The following PALLD variants were observed in gnomAD, a reference collection of about 807,000 sequenced individuals.
The protein encoded by PALLD is palladin, cytoskeletal associated protein, also known as palladin.
PALLD carries 61 observed loss-of-function variants against 123.5 expected under a neutral mutation model. That is an observed-to-expected ratio of 0.49 (90% CI 0.40 to 0.61). The LOEUF is 0.61. Among genes scored for constraint, PALLD ranks in the 20% least tolerant of loss-of-function variants. PALLD has a pLI of 0.00. For synonymous variants in PALLD, 465 were observed against 496.4 expected, an observed-to-expected ratio of 0.94 and a Z score of 0.84; for missense variants, 1,273 against 1,377.0, an observed-to-expected ratio of 0.92 and a Z score of 1.20.
chr4:168,548,941 A>G (rs1766446564), intron 2 of PALLD, among the ~76,000 whole-genome samples: 1 of 152,096 alleles, frequency 6.6e-6, no homozygotes, highest in African/African-American at 2.4e-5. Context: ...TGGGCCCAGG[A>G]GGTTGTTGTA....
intron 12 of PALLD, among the ~76,000 whole-genome samples, chr4:168,895,677 G>A: frequency 6.6e-6 from 1 of 152,106 alleles, no homozygotes; most frequent in East Asian, 1.9e-4. Context: ...AGAAGACAAG[G>A]GGTTGGTCTT....
intron 10 of PALLD, among the ~76,000 whole-genome samples, chr4:168,780,068 T>C (rs902692119): frequency 6.6e-6 from 1 of 152,012 alleles, no homozygotes; most frequent in African/African-American, 2.4e-5. Flanking sequence ...CCGACTAATT[T>C]TGGTATTTTT....
intron 2 of PALLD, among the ~76,000 whole-genome samples, chr4:168,522,547 G>A (rs948723017): frequency 6.6e-6 from 1 of 152,044 alleles, no homozygotes; most frequent in Non-Finnish European, 1.5e-5. Flanking sequence ...ATTTGCCTTG[G>A]GGCCATACCT....
At chr4:168,730,715 T>C (rs1303029467) in intron 10 of PALLD, among the ~76,000 whole-genome samples, 1 of 152,160 alleles carries the variant, frequency 6.6e-6, no homozygotes, top group Non-Finnish European at 1.5e-5. Flanking sequence ...TTCAGCCACC[T>C]TCCTTGGGAT....
At chr4:168,705,913 G>A (rs1284967213) in intron 8 of PALLD, among the ~76,000 whole-genome samples, 1 of 152,176 alleles carries the variant, frequency 6.6e-6, no homozygotes, top group Non-Finnish European at 1.5e-5. Flanking sequence ...AAAGTGCTGG[G>A]ATTACAGGCA....
chr4:168,884,074 C>CT (rs1753007121), intron 10 of PALLD, among the ~76,000 whole-genome samples: 1 of 152,090 alleles, frequency 6.6e-6, no homozygotes, highest in African/African-American at 2.4e-5. Context: ...ACATTAAACT[C>CT]TAACATAGCA....
intron 2 of PALLD, among the ~76,000 whole-genome samples, chr4:168,568,988 A>T (rs1005835230): frequency 2.6e-5 from 4 of 151,860 alleles, no homozygotes; most frequent in Non-Finnish European, 5.9e-5. Context: ...AGACTAATTT[A>T]AAAAAAAGAA....
At chr4:168,587,107 C>G (rs1770904909) in intron 2 of PALLD, among the ~76,000 whole-genome samples, 2 of 152,114 alleles carry the variant, frequency 1.3e-5, no homozygotes, top group South Asian at 2.1e-4. Context: ...CTGGACACCC[C>G]CCGACGACAA....
At chr4:168,627,569 A>G (rs1357534461) in intron 2 of PALLD, among the ~76,000 whole-genome samples, 1 of 152,178 alleles carries the variant, frequency 6.6e-6, no homozygotes, top group Non-Finnish European at 1.5e-5. Context: ...ATCAAAAATA[A>G]AATCAGAGTA....
intron 2 of PALLD, among the ~76,000 whole-genome samples, chr4:168,529,416 G>A (rs1270536922): frequency 6.6e-6 from 1 of 152,042 alleles, no homozygotes; most frequent in Non-Finnish European, 1.5e-5. Flanking sequence ...CATAGTATTA[G>A]CGCAAGTGCA....
At chr4:168,898,454 A>C in intron 13 of PALLD, 39 bp from the exon 14 acceptor site, 1 of 1,297,148 alleles carries the variant, frequency 7.7e-7, no homozygotes, top group Non-Finnish European at 1.1e-6. Flanking sequence ...CTTTGTCAGA[A>C]GGGATTGAGT....
chr4:168,668,202 A>C lies in PALLD; in HGVS notation c.921A>C (p.Glu307Asp). The change falls in exon 3 of 22, where the codon GAA (glutamate) becomes GAC (aspartate). Residue 307 changes from glutamate to aspartate, a missense_variant. This residue lies in a region of PALLD where 944 missense variants were observed against 954.5 expected (regional missense o/e 0.99). Coordinates refer to ENST00000505667, the MANE Select transcript of PALLD (RefSeq NM_001166108.2). ...NPTPRVRWFC[E>D]GKELHNTPDI... ...ATTTGGCCTGCAGATGGTTCTGTGA[A>C]GGGAAAGAACTGCACAACACTCCTG... 2 of 1,614,000 alleles carry C rather than the reference A, an allele frequency of 1.2e-6. No individual in the cohort carries two copies. The highest frequency in any genetic ancestry group is 1.1e-5 in the South Asian group (1 of 91,080).
intron 2 of PALLD, chr4:168,536,655 G>C (rs1765119289): frequency 6.6e-6 from 1 of 152,132 alleles, no homozygotes; most frequent in Non-Finnish European, 1.5e-5. Context: ...AAAACCATCA[G>C]ATCTCGCGAG....
At chr4:168,775,913 G>C (rs532439347) in intron 10 of PALLD, among the ~76,000 whole-genome samples, 117 of 152,252 alleles carry the variant, frequency 7.7e-4, no homozygotes, top group African/African-American at 2.7e-3. Context: ...TGCCAGCACT[G>C]TACTGTTTTG....
intron 2 of PALLD, among the ~76,000 whole-genome samples, chr4:168,610,378 A>G (rs1057255636): frequency 2.0e-5 from 3 of 151,620 alleles, no homozygotes; most frequent in African/African-American, 7.3e-5. Context: ...CTCAGGTGCT[A>G]CTCTCTGGGC....
intron 10 of PALLD, among the ~76,000 whole-genome samples, chr4:168,770,115 T>C (rs948966911): frequency 3.3e-5 from 5 of 152,158 alleles, no homozygotes; most frequent in East Asian, 1.9e-4. Context: ...GCAACATTCA[T>C]AGGTCAGGAA....
intron 2 of PALLD, among the ~76,000 whole-genome samples, chr4:168,579,250 C>T (rs1769975005): frequency 1.3e-5 from 2 of 152,134 alleles, no homozygotes; most frequent in Admixed American, 6.6e-5. Context: ...AACGTCATTT[C>T]GTACCTTCAT....
chr4:168,698,526 TTTTAA>T (rs1470992550), intron 8 of PALLD, among the ~76,000 whole-genome samples: 1 of 152,116 alleles, frequency 6.6e-6, no homozygotes, highest in African/African-American at 2.4e-5. Flanking sequence ...CCACAATTTT[TTTTAA>T]TTTAAAGAAA....
chr4:168,805,156 G>GA (rs11311537), intron 10 of PALLD, among the ~76,000 whole-genome samples: 4 of 147,466 alleles, frequency 2.7e-5, no homozygotes, highest in Non-Finnish European at 6.0e-5. Context: ...AAACTCTAAA[G>GA]AAAAAAAAAA....
Sources: gnomAD v4.1 joint callset for allele counts (sites outside exome capture counted in the v4.1 genomes callset) on GRCh38, gnomAD v4.1.1 for gene constraint, gnomAD v4.1.1 regional missense constraint, MANE v1.5 for transcripts, NCBI Gene and HGNC (gene_info 2026-07-23, HGNC 2026-07-21) for gene names.